Variants in C8A observed in about 807,000 individuals in gnomAD.
The protein encoded by C8A is complement C8 alpha chain.
C8A carries 67 observed loss-of-function variants against 65.3 expected under a neutral mutation model. The observed-to-expected ratio is 1.03, with a 90% confidence interval of 0.84 to 1.26. The LOEUF (loss-of-function observed/expected upper bound fraction) is 1.26. Ranked by LOEUF, C8A falls within the 50% of genes most tolerant of loss-of-function variation. The pLI, the probability that C8A is intolerant of heterozygous loss-of-function variation, is 0.00. For missense variants in C8A, 781 were observed against 723.9 expected, an observed-to-expected ratio of 1.08 and a Z score of -0.90; for synonymous variants, 290 against 259.4, an observed-to-expected ratio of 1.12 and a Z score of -1.13.
At chr1:56,895,287 T>C (rs1004739738) in intron 7 of C8A, among the ~76,000 whole-genome samples, 1 of 152,178 alleles carries the variant, frequency 6.6e-6, no homozygotes, top group Admixed American at 6.5e-5. Flanking sequence ...TGGTAGACAT[T>C]AGGGTAAACA....
rs1644255546 is a variant in C8A, at chr1:56,882,458, C to A, written c.654+824C>A. Among the ~76,000 whole-genome samples the A allele has an allele frequency of 2.0e-5, 3 of 152,122 alleles. No individual in the cohort carries two copies. In the East Asian group the frequency reaches 5.8e-4, roughly 29 times the overall value. On this transcript the variant is annotated intron_variant, in intron 5 of 10. Coordinates refer to ENST00000361249, the MANE Select transcript of C8A (RefSeq NM_000562.3). The stretch of plus-strand genomic sequence containing the variant: ...AAAGTGTCAGGATCAAACTCTACTG[C>A]AGTTGGTGGCAAAGACAAGACCCAA...
intron 6 of C8A, 79 bp downstream of exon 6, chr1:56,883,760 G>A (rs1025150545): frequency 1.4e-5 from 17 of 1,217,922 alleles, no homozygotes; most frequent in Non-Finnish European, 2.0e-5. Flanking sequence ...GCATTAAAAA[G>A]TACAGTAGTA....
At chr1:56,859,033 A>G (rs1570310156) in intron 1 of C8A, among the ~76,000 whole-genome samples, 2 of 152,214 alleles carry the variant, frequency 1.3e-5, no homozygotes, top group African/African-American at 2.4e-5. Flanking sequence ...AGCCTTTAGA[A>G]AATTATTTTT....
chr1:56,879,605 A>C (rs1175410548), intron 4 of C8A, among the ~76,000 whole-genome samples: 1 of 152,184 alleles, frequency 6.6e-6, no homozygotes, highest in Admixed American at 6.5e-5. Context: ...TATCAACAAA[A>C]TCTAGGAAAA....
Position 56,906,820 on chromosome 1 carries a change from A to G in C8A, c.1222+28A>G, listed in dbSNP as rs201413414. ...AAGTGTTTAGTAATAGATCTCCCAA[A>G]AAGAGAAGCCAGGCTTTCCTTTGGA... On this transcript the variant is annotated intron_variant, in intron 8 of 10. Transcript: ENST00000361249. 2.2e-4 allele frequency: 356 copies of G among 1,613,884 alleles called. 6 individuals are homozygous for G. The Admixed American group carries it at 5.8e-3, about 26-fold the overall frequency.
At chr1:56,862,547 G>A (rs921670286) in intron 1 of C8A, among the ~76,000 whole-genome samples, 10 of 152,046 alleles carry the variant, frequency 6.6e-5, no homozygotes, top group Non-Finnish European at 1.0e-4. Context: ...CTTCCTCCCC[G>A]ACCCCAGTGC....
At chr1:56,912,751 C>T in intron 10 of C8A, 126 bp downstream of exon 10, 1 of 780,966 alleles carries the variant, frequency 1.3e-6, no homozygotes, top group Non-Finnish European at 2.2e-6. Context: ...AGGAGCCACC[C>T]TTGAGAGTTC....
intron 10 of C8A, among the ~76,000 whole-genome samples, 181 bp downstream of exon 10, chr1:56,912,806 G>T (rs926262594): frequency 2.6e-5 from 4 of 152,156 alleles, no homozygotes; most frequent in African/African-American, 9.7e-5. Context: ...CTTTGTCCTT[G>T]CCATCAAGAC....
chr1:56,881,642 T>A lies in C8A; in HGVS notation c.654+8T>A. 1 of 1,612,170 alleles carries A rather than the reference T, an allele frequency of 6.2e-7. No homozygotes were observed. The highest frequency in any genetic ancestry group is 8.5e-7 in the Non-Finnish European group (1 of 1,179,354). On this transcript the variant is annotated splice_region_variant and intron_variant, in intron 5 of 10. Coordinates refer to ENST00000361249, the MANE Select transcript of C8A (RefSeq NM_000562.3). Reference sequence around the variant, plus strand: ...CTGAAGTACCACTTTGAAGTAAGTCTGAACAGAGGGGCTCTGAGGCCACTG... The same window carrying A: ...CTGAAGTACCACTTTGAAGTAAGTCAGAACAGAGGGGCTCTGAGGCCACTG...
intron 1 of C8A, among the ~76,000 whole-genome samples, chr1:56,861,350 A>G (rs1287844718): frequency 6.6e-6 from 1 of 152,170 alleles, no homozygotes; most frequent in Non-Finnish European, 1.5e-5. Flanking sequence ...AGAGAAGGTA[A>G]AAAAGGAAGT....
intron 7 of C8A, among the ~76,000 whole-genome samples, chr1:56,896,476 A>G (rs1186677080): frequency 1.3e-5 from 2 of 152,128 alleles, no homozygotes; most frequent in African/African-American, 4.8e-5. Flanking sequence ...AATGAAAGCC[A>G]ATGTTCCAGG....
At chr1:56,917,536 T>C in intron 10 of C8A, 29 bp from the exon 11 acceptor site, 4 of 1,613,828 alleles carry the variant, frequency 2.5e-6, no homozygotes. Flanking sequence ...TATGCTAACC[T>C]TCTCCTCCCT....
chr1:56,906,633 CA>C, intron 7 of C8A, 33 bp from the exon 8 acceptor site: 2 of 1,613,402 alleles, frequency 1.2e-6, no homozygotes, highest in Non-Finnish European at 1.7e-6. Context: ...TTTAATAACT[CA>C]GCATTTTGTG....
At chr1:56,871,162 C>T (rs1215871942) in intron 2 of C8A, among the ~76,000 whole-genome samples, 2 of 152,098 alleles carry the variant, frequency 1.3e-5, no homozygotes, top group African/African-American at 2.4e-5. Context: ...TTCTAGGTAC[C>T]AGACAATTGT....
At chr1:56,877,850 T>G (rs1644212825) in intron 4 of C8A, among the ~76,000 whole-genome samples, 1 of 152,098 alleles carries the variant, frequency 6.6e-6, no homozygotes, top group Admixed American at 6.6e-5. Flanking sequence ...TGCTCTGAGA[T>G]CAGAGCCCAC....
At chr1:56,862,737 T>C (rs1184071673) in intron 1 of C8A, among the ~76,000 whole-genome samples, 1 of 152,152 alleles carries the variant, frequency 6.6e-6, no homozygotes, top group Non-Finnish European at 1.5e-5. Flanking sequence ...TGAGTCCCTA[T>C]GCTCCGTATT....
chr1:56,915,386 T>G (rs756312880), intron 10 of C8A, among the ~76,000 whole-genome samples: 6 of 152,064 alleles, frequency 3.9e-5, no homozygotes, highest in Non-Finnish European at 4.4e-5. Context: ...CCAGCTTCCT[T>G]GTGTGAACTG....
intron 2 of C8A, among the ~76,000 whole-genome samples, chr1:56,874,311 G>A (rs748163590): frequency 2.0e-5 from 3 of 152,188 alleles, no homozygotes; most frequent in Non-Finnish European, 4.4e-5. Flanking sequence ...ACACATCCCT[G>A]TGACTGAGGA....
chr1:56,914,019 C>T (rs1774896), intron 10 of C8A, among the ~76,000 whole-genome samples: 15,598 of 152,180 alleles, frequency 0.1, 1,251 homozygotes, highest in African/African-American at 0.22. Context: ...GGTGCCACAC[C>T]TCACCGGATA....
Sources: allele counts gnomAD v4.1 joint callset (sites outside exome capture counted in the v4.1 genomes callset), GRCh38; gene constraint gnomAD v4.1.1; transcripts MANE v1.5; gene names NCBI Gene and HGNC (gene_info 2026-07-23, HGNC 2026-07-21).